SLC49A4: variants seen among roughly 807,000 people sequenced by gnomAD.
The protein encoded by SLC49A4 is disrupted in renal cancer protein 2.
SLC49A4 carries 36 observed loss-of-function variants against 50.6 expected under a neutral mutation model. The observed-to-expected ratio is 0.71, with a 90% confidence interval of 0.55 to 0.94. The LOEUF (loss-of-function observed/expected upper bound fraction) is 0.94, where lower values mean the gene tolerates loss of function less well. Among genes scored for constraint, SLC49A4 ranks in the 40% least tolerant of loss-of-function variants. SLC49A4 has a pLI of 0.00. For synonymous variants in SLC49A4, 248 were observed against 241.2 expected, an observed-to-expected ratio of 1.03 and a Z score of -0.26; for missense variants, 503 against 605.7, an observed-to-expected ratio of 0.83 and a Z score of 1.78.
chr3:122,795,555 C>T lies in SLC49A4; in HGVS notation c.343+20C>T. 1 of 1,573,530 alleles carries T rather than the reference C, an allele frequency of 6.4e-7. No individual in the cohort carries two copies. The highest frequency in any genetic ancestry group is 1.4e-5 in the African/African-American group (1 of 72,650). On this transcript the variant is annotated intron_variant, in intron 1 of 8. Coordinates refer to ENST00000261038, the MANE Select transcript of SLC49A4 (RefSeq NM_032839.3). ...AGAGAGGTGAGGGGTCGCGGAGCGC[C>T]AGCCCGCGCTGTCTCTCCTCCGGGA... is the stretch of plus-strand genomic sequence containing the variant.
chr3:122,869,527 T>C (rs966624083), intron 7 of SLC49A4, among the ~76,000 whole-genome samples: 1 of 152,240 alleles, frequency 6.6e-6, no homozygotes, highest in Non-Finnish European at 1.5e-5. Flanking sequence ...TGTATTTTTT[T>C]GGATAAGTGT....
At chr3:122,841,225 T>C (rs535775753) in intron 4 of SLC49A4, among the ~76,000 whole-genome samples, 8 of 152,236 alleles carry the variant, frequency 5.3e-5, no homozygotes, top group Non-Finnish European at 7.3e-5. Flanking sequence ...TTCACTTAAT[T>C]ATTCTAAACT....
At chr3:122,832,907 C>T (rs1936626622) in intron 3 of SLC49A4, among the ~76,000 whole-genome samples, 2 of 152,058 alleles carry the variant, frequency 1.3e-5, no homozygotes, top group Admixed American at 1.3e-4. Flanking sequence ...TCAGTTGATA[C>T]TTAGTAAATA....
At chr3:122,810,638 G>A (rs1028477744) in intron 2 of SLC49A4, among the ~76,000 whole-genome samples, 6 of 152,138 alleles carry the variant, frequency 3.9e-5, no homozygotes, top group African/African-American at 9.7e-5. Flanking sequence ...GGTTTATTAC[G>A]TAGGTAAACA....
chr3:122,870,839 A>AT (rs1164311749), intron 7 of SLC49A4, among the ~76,000 whole-genome samples: 44 of 149,142 alleles, frequency 3.0e-4, no homozygotes, highest in Non-Finnish European at 5.2e-4. Flanking sequence ...AATAATAATA[A>AT]TAATTAATTA....
chr3:122,815,743 G>T (rs1936356344), intron 2 of SLC49A4, among the ~76,000 whole-genome samples: 1 of 152,044 alleles, frequency 6.6e-6, no homozygotes, highest in Non-Finnish European at 1.5e-5. Flanking sequence ...TTTGATTATT[G>T]TTTGTGGCTT....
chr3:122,838,199 C>T (rs1265115052), intron 4 of SLC49A4, among the ~76,000 whole-genome samples: 3 of 152,096 alleles, frequency 2.0e-5, no homozygotes, highest in South Asian at 2.1e-4. Flanking sequence ...CCAGCCATCG[C>T]ATTACTGGGT....
intron 7 of SLC49A4, among the ~76,000 whole-genome samples, chr3:122,868,158 A>C (rs1465965065): frequency 6.6e-6 from 1 of 152,100 alleles, no homozygotes; most frequent in Non-Finnish European, 1.5e-5. Flanking sequence ...TGTTTCCCTA[A>C]AGTTTAGTAA....
chr3:122,860,054 A>T (rs748572783), intron 6 of SLC49A4, 21 bp from the exon 7 acceptor site: 19 of 1,594,334 alleles, frequency 1.2e-5, no homozygotes, highest in Non-Finnish European at 1.6e-5. Flanking sequence ...ACTAGAATTA[A>T]TAGAGCATTT....
chr3:122,823,073 T>C (rs567965368), intron 2 of SLC49A4, among the ~76,000 whole-genome samples: 1 of 152,336 alleles, frequency 6.6e-6, no homozygotes, highest in Non-Finnish European at 1.5e-5. Flanking sequence ...AGCCTTGCCC[T>C]TCCATGTGGG....
At chr3:122,815,481 G>A (rs1261050459) in intron 2 of SLC49A4, among the ~76,000 whole-genome samples, 1 of 152,204 alleles carries the variant, frequency 6.6e-6, no homozygotes, top group African/African-American at 2.4e-5. Flanking sequence ...TAGCTCAGCA[G>A]CAATGTATGT....
At chr3:122,850,775 G>T (rs1936916490) in intron 5 of SLC49A4, among the ~76,000 whole-genome samples, 1 of 152,116 alleles carries the variant, frequency 6.6e-6, no homozygotes, top group South Asian at 2.1e-4. Context: ...CAAAGTGTGG[G>T]CCATGTCGGG....
rs1378509521 is a variant in SLC49A4 at position 122,870,104 on chromosome 3, T to A, written c.1139-2311T>A. On this transcript the variant is annotated intron_variant, in intron 7 of 8. Transcript: ENST00000261038. ...TTTTAATTTGTCTGATTACAAATTGTGTGGAGTACATTTCCTTCAGAAATA... is the reference window on the plus strand; with the variant it reads ...TTTTAATTTGTCTGATTACAAATTGAGTGGAGTACATTTCCTTCAGAAATA... 2.0e-5 allele frequency among the ~76,000 whole-genome samples: 3 copies of A among 152,342 alleles called. No individual in the cohort carries two copies. In the East Asian group the frequency reaches 5.8e-4, roughly 29 times the overall value.
intron 2 of SLC49A4, among the ~76,000 whole-genome samples, chr3:122,809,287 T>G (rs1936265128): frequency 6.6e-6 from 1 of 152,230 alleles, no homozygotes; most frequent in African/African-American, 2.4e-5. Flanking sequence ...TCCTTCTCAG[T>G]TAGATTTTAA....
At chr3:122,848,161 CTAGAATTGAT>C (rs1169403574) in intron 5 of SLC49A4, among the ~76,000 whole-genome samples, 1 of 152,092 alleles carries the variant, frequency 6.6e-6, no homozygotes, top group East Asian at 1.9e-4. Flanking sequence ...GAATTTAAAC[CTAGAATTGAT>C]TTTATATTTA....
At chr3:122,870,760 G>C (rs1576312487) in intron 7 of SLC49A4, among the ~76,000 whole-genome samples, 1 of 150,794 alleles carries the variant, frequency 6.6e-6, no homozygotes, top group Non-Finnish European at 1.5e-5. Flanking sequence ...TTGGCAGTGA[G>C]CCGAGATCAC....
intron 5 of SLC49A4, among the ~76,000 whole-genome samples, chr3:122,853,592 C>T (rs1936950755): frequency 6.6e-6 from 1 of 152,144 alleles, no homozygotes; most frequent in African/African-American, 2.4e-5. Context: ...AATCCTGTCT[C>T]CACCAAAAAT....
At chr3:122,830,480 A>G (rs912135444) in intron 3 of SLC49A4, among the ~76,000 whole-genome samples, 7 of 152,214 alleles carry the variant, frequency 4.6e-5, no homozygotes, top group Non-Finnish European at 8.8e-5. Flanking sequence ...TAGAATAGAA[A>G]TGAGATTCTA....
intron 7 of SLC49A4, among the ~76,000 whole-genome samples, chr3:122,864,289 T>C (rs1937089938): frequency 6.6e-6 from 1 of 152,202 alleles, no homozygotes; most frequent in Admixed American, 6.5e-5. Context: ...ATAGGGCGAA[T>C]AAATAACCTC....
Sources: allele counts gnomAD v4.1 joint callset (sites outside exome capture counted in the v4.1 genomes callset), GRCh38; gene constraint gnomAD v4.1.1; transcripts MANE v1.5; gene names NCBI Gene and HGNC (gene_info 2026-07-23, HGNC 2026-07-21).